GPRC5C: variants seen among roughly 807,000 people sequenced by gnomAD.
GPRC5C encodes G protein-coupled receptor class C group 5 member C, also known as G protein-coupled receptor family C group 5 member C.
GPRC5C carries 22 observed loss-of-function variants against 31.4 expected under a neutral mutation model. The ratio of observed to expected loss-of-function variants is 0.70; its 90% CI spans 0.50 to 1.00. The LOEUF (loss-of-function observed/expected upper bound fraction) is 1.00, where lower values mean the gene tolerates loss of function less well. Ranked by LOEUF, GPRC5C falls within the 50% of genes least tolerant of loss-of-function variation. GPRC5C has a pLI of 0.00. For synonymous variants in GPRC5C, 249 were observed against 257.5 expected, an observed-to-expected ratio of 0.97 and a Z score of 0.32; for missense variants, 557 against 597.2, an observed-to-expected ratio of 0.93 and a Z score of 0.70.
intron 1 of GPRC5C, among the ~76,000 whole-genome samples, chr17:74,436,744 G>A (rs903817811): frequency 2.6e-5 from 4 of 152,142 alleles, no homozygotes; most frequent in African/African-American, 9.7e-5. Context: ...GAAAGTGCAG[G>A]TGTCCGGAGT....
intron 1 of GPRC5C, chr17:74,433,900 T>G: frequency 1.3e-6 from 1 of 751,364 alleles, no homozygotes; most frequent in Admixed American, 1.9e-5. Context: ...TCTGGAGAAG[T>G]GAGAAGGCCT....
intron 2 of GPRC5C, among the ~76,000 whole-genome samples, chr17:74,442,835 G>T (rs947310018): frequency 6.6e-5 from 10 of 152,178 alleles, no homozygotes; most frequent in African/African-American, 1.7e-4. Flanking sequence ...GTGCATGGCG[G>T]GGGTGGAATT....
At chr17:74,435,556 C>T (rs149357133) in intron 1 of GPRC5C, among the ~76,000 whole-genome samples, 54 of 152,326 alleles carry the variant, frequency 3.5e-4, no homozygotes, top group African/African-American at 1.3e-3. Context: ...GGGGCAGGTA[C>T]AGGCTCCTCT....
At position 74,440,269 on chromosome 17, in the gene GPRC5C, C is replaced by G. The variant is rs777000497; in HGVS notation, c.493C>G (p.Leu165Val). 2 of 1,614,184 alleles carry G rather than the reference C, an allele frequency of 1.2e-6. No homozygotes were observed. Among genetic ancestry groups the G allele is most frequent in the South Asian group, 2.2e-5 (2 of 91,088 alleles). ...CTTCACTGTGGCTCTGCTGCTGACC[C>G]TGGTAGAGGTCATCATCAATACAGA... ...VIFTVALLLTLVEVIINTEWL... is the reference protein window; with the variant it reads ...VIFTVALLLTVVEVIINTEWL... Residue 165 changes from leucine (L) to valine (V), a missense_variant, in exon 2 of 4, where the codon CTG becomes GTG. Leu to Val is a conservative substitution (Grantham distance 32, BLOSUM62 1). Coordinates refer to ENST00000392627, the MANE Select transcript of GPRC5C (RefSeq NM_022036.4). The surrounding 1 kb of genome is among the most constrained non-coding windows in gnomAD (Gnocchi z 4.4).
downstream of GPRC5C, chr17:74,449,216 T>C: frequency 2.2e-6 from 1 of 451,752 alleles, no homozygotes; most frequent in East Asian, 7.3e-5. Context: ...AAATTCTCCT[T>C]CTATGCTCAG....
downstream of GPRC5C, chr17:74,448,764 A>ACT: frequency 1.5e-6 from 1 of 658,938 alleles, no homozygotes; most frequent in Non-Finnish European, 2.4e-6. Flanking sequence ...AAATCCCAGA[A>ACT]CTGTACCATT....
intron 1 of GPRC5C, among the ~76,000 whole-genome samples, chr17:74,434,081 G>T (rs2055396933): frequency 6.6e-6 from 1 of 152,190 alleles, no homozygotes; most frequent in Non-Finnish European, 1.5e-5. Flanking sequence ...ACTCACAGGA[G>T]AGCTGGGGGC....
rs1333272541 is a variant in GPRC5C at position 74,439,756 on chromosome 17, G to C, written c.-21G>C. On this transcript the variant is annotated 5_prime_UTR_variant, in exon 2 of 4. Coordinates refer to ENST00000392627, the MANE Select transcript of GPRC5C (RefSeq NM_022036.4). ...CCTTCTGTCTCTAGGGACCCAACCAGAGCCTGGCCTGGGAGCCAGGATGGC... is the reference window on the plus strand; with the variant it reads ...CCTTCTGTCTCTAGGGACCCAACCACAGCCTGGCCTGGGAGCCAGGATGGC... 1.2e-6 allele frequency: 2 copies of C among 1,607,380 alleles called. No homozygotes were observed. The highest frequency in any genetic ancestry group is 4.5e-5 in the East Asian group (2 of 44,708).
At chr17:74,442,729 G>A (rs1219536383) in intron 2 of GPRC5C, among the ~76,000 whole-genome samples, 3 of 152,224 alleles carry the variant, frequency 2.0e-5, no homozygotes, top group East Asian at 1.9e-4. Flanking sequence ...TGGAGAAAGA[G>A]ATGACCCTTG....
At chr17:74,433,681 C>T (rs1418057977) in intron 1 of GPRC5C, 11 of 1,603,516 alleles carry the variant, frequency 6.9e-6, no homozygotes, top group Non-Finnish European at 9.4e-6. Flanking sequence ...AAGGCAAGTG[C>T]TCTGTGGTAT....
At chr17:74,442,997 AAT>A (rs1268262777) in intron 2 of GPRC5C, 2 of 152,152 alleles carry the variant, frequency 1.3e-5, no homozygotes, top group East Asian at 3.9e-4. Context: ...TGGAAAAATC[AAT>A]AGAGTGAGCC....
chr17:74,450,349 C>A (rs950579105), downstream of GPRC5C: 2 of 152,478 alleles, frequency 1.3e-5, no homozygotes, highest in Non-Finnish European at 1.5e-5. Flanking sequence ...CTGGAAGTAC[C>A]TTAGGACACA....
At chr17:74,435,369 C>T (rs552381137) in intron 1 of GPRC5C, among the ~76,000 whole-genome samples, 1 of 152,252 alleles carries the variant, frequency 6.6e-6, no homozygotes, top group Non-Finnish European at 1.5e-5. Context: ...AGGTTTCCCA[C>T]CTGAGTCCAT....
downstream of GPRC5C, chr17:74,449,550 G>C (rs1005643129): frequency 1.5e-4 from 47 of 316,520 alleles, 2 homozygotes; most frequent in South Asian, 1.1e-3. Flanking sequence ...AGCGCCTAGG[G>C]CCACCTCCCT....
chr17:74,449,357 C>T (rs555501570), downstream of GPRC5C: 73 of 1,302,026 alleles, frequency 5.6e-5, no homozygotes, highest in Middle Eastern at 2.1e-4. Flanking sequence ...CAAAGTAAAA[C>T]GAGATGGTAG....
intron 2 of GPRC5C, among the ~76,000 whole-genome samples, chr17:74,442,078 C>T (rs141240365): frequency 0.045 from 6,825 of 152,226 alleles, 246 homozygotes; most frequent in East Asian, 0.12. Context: ...TCTTGGCTCA[C>T]TGCAACCTCC....
chr17:74,447,898 T>C (rs1311276748), downstream of GPRC5C, among the ~76,000 whole-genome samples: 2 of 152,218 alleles, frequency 1.3e-5, no homozygotes, highest in Non-Finnish European at 1.5e-5. Flanking sequence ...GATCACACCG[T>C]GTGATACGTG....
In GPRC5C at chr17:74,440,183, C is replaced by T. The variant is rs1039008324; in HGVS notation, c.407C>T (p.Ala136Val). 6.2e-7 allele frequency: 1 copy of T among 1,614,216 alleles called. No homozygotes were observed. Among genetic ancestry groups the T allele is most frequent in the African/African-American group, 1.3e-5 (1 of 75,052 alleles). ...LFAICFSCLA[A>V]HVFALNFLAR... ...GCCATCTGCTTCTCTTGTCTGGCGG[C>T]TCACGTCTTTGCCCTCAACTTCCTG... The change falls in exon 2 of 4, where the codon GCT (alanine) becomes GTT (valine). Residue 136 changes from alanine to valine, a missense_variant. Transcript: ENST00000392627. The surrounding 1 kb of genome is among the most constrained non-coding windows in gnomAD (Gnocchi z 4.4).
At chr17:74,432,976 G>C (rs1195721542) in intron 1 of GPRC5C, among the ~76,000 whole-genome samples, 8 of 152,204 alleles carry the variant, frequency 5.3e-5, no homozygotes, top group Middle Eastern at 3.4e-3. Context: ...GTAGGGACGA[G>C]AGGGTTCAGA....
Sources: allele counts gnomAD v4.1 joint callset (sites outside exome capture counted in the v4.1 genomes callset), GRCh38; gene constraint gnomAD v4.1.1; non-coding constraint Gnocchi (gnomAD v3.1); transcripts MANE v1.5; gene names NCBI Gene and HGNC (gene_info 2026-07-23, HGNC 2026-07-21).